The following LAPTM4B variants were observed in gnomAD, a reference collection of about 807,000 sequenced individuals.
LAPTM4B encodes the protein lysosomal protein transmembrane 4 beta, also known as lysosomal-associated transmembrane protein 4B.
A neutral mutation model predicts 28.5 loss-of-function variants in LAPTM4B; 26 were observed. The ratio of observed to expected loss-of-function variants is 0.91; its 90% CI spans 0.67 to 1.27. The LOEUF (loss-of-function observed/expected upper bound fraction) is 1.27, where lower values mean the gene tolerates loss of function less well. Ranked by LOEUF, LAPTM4B falls within the 50% of genes most tolerant of loss-of-function variation. The pLI, the probability that LAPTM4B is intolerant of heterozygous loss-of-function variation, is 0.00. For missense variants in LAPTM4B, 288 were observed against 285.8 expected, an observed-to-expected ratio of 1.01 and a Z score of -0.06; for synonymous variants, 109 against 106.4, an observed-to-expected ratio of 1.02 and a Z score of -0.15.
At chr8:97,831,696 CAGA>C (rs1398019855) in intron 6 of LAPTM4B, among the ~76,000 whole-genome samples, 7 of 152,126 alleles carry the variant, frequency 4.6e-5, no homozygotes, top group African/African-American at 9.7e-5. Context: ...AACAGGTTTT[CAGA>C]AGAAGAATAG....
intron 5 of LAPTM4B, among the ~76,000 whole-genome samples, chr8:97,823,344 G>GTTTTTTTTTT (rs10561869): frequency 3.7e-5 from 4 of 109,306 alleles, no homozygotes; most frequent in South Asian, 3.2e-4. Flanking sequence ...ATACAATATG[G>GTTTTTTTTTT]TTTTTTTTTT....
intron 5 of LAPTM4B, among the ~76,000 whole-genome samples, chr8:97,822,837 AT>A (rs10622932): frequency 6.6e-6 from 1 of 150,882 alleles, no homozygotes; most frequent in African/African-American, 2.4e-5. Flanking sequence ...TCTTTTAGTT[AT>A]TTTTTTTATT....
At position 97,778,475 on chromosome 8, in the gene LAPTM4B, G is replaced by T. The variant is rs369557167; in HGVS notation, c.99+2367G>T. On this transcript the variant is annotated intron_variant, in intron 1 of 6. Coordinates refer to ENST00000521545, the MANE Select transcript of LAPTM4B (RefSeq NM_018407.6). ...CCCCTTACCCACCCGCTTCCTCAAG[G>T]ACTTAACTTGTGCAAGCTGACTCCC... 3.1e-3 allele frequency among the ~76,000 whole-genome samples: 471 copies of T among 152,032 alleles called. 3 individuals are homozygous for T. The highest frequency in any genetic ancestry group is 0.011 in the African/African-American group (441 of 41,450).
chr8:97,786,782 A>G (rs977408611), intron 1 of LAPTM4B, among the ~76,000 whole-genome samples: 3 of 152,062 alleles, frequency 2.0e-5, no homozygotes, highest in Non-Finnish European at 4.4e-5. Flanking sequence ...ATGGTGAAGT[A>G]GTAACCCTTA....
intron 1 of LAPTM4B, among the ~76,000 whole-genome samples, chr8:97,778,372 C>T (rs2129711864): frequency 6.6e-6 from 1 of 151,312 alleles, no homozygotes; most frequent in South Asian, 2.1e-4. Flanking sequence ...TTGTGATACC[C>T]TACCTTGTTT....
Position 97,835,933 on chromosome 8 carries a change from G to A in LAPTM4B, c.603+10780G>A, listed in dbSNP as rs563332583. Reference sequence around the variant, plus strand: ...AACCTGAGCACCACTTACAAGATTAGCAACAGCATTACATTTTCATAGGAG... The same window carrying A: ...AACCTGAGCACCACTTACAAGATTAACAACAGCATTACATTTTCATAGGAG... On this transcript the variant is annotated intron_variant, in intron 6 of 6. Transcript: ENST00000521545. 8.3e-4 allele frequency among the ~76,000 whole-genome samples: 127 copies of A among 152,310 alleles called. 2 individuals carry two copies. The highest frequency in any genetic ancestry group is 1.3e-3 in the Non-Finnish European group (86 of 68,030).
Position 97,843,780 on chromosome 8 carries a change from C to CAAATAAATAAATAAAT in LAPTM4B, c.604-7596_604-7581dup, listed in dbSNP as rs150370509. On this transcript the variant is annotated intron_variant, in intron 6 of 6. Transcript: ENST00000521545. ...GGGCAACAAGAGCGAAACTCCATCT[C>CAAATAAATAAATAAAT]AAATAAATAAATAAATAAATAAATA... is the stretch of plus-strand genomic sequence containing the variant. 5.1e-3 allele frequency among the ~76,000 whole-genome samples: 755 copies of CAAATAAATAAATAAAT among 148,984 alleles called. 3 individuals carry two copies. Among genetic ancestry groups the CAAATAAATAAATAAAT allele is most frequent in the South Asian group, 8.2e-3 (38 of 4,608 alleles).
At chr8:97,845,865 T>TCCCCC (rs1563624201) in intron 6 of LAPTM4B, among the ~76,000 whole-genome samples, 2 of 13,402 alleles carry the variant, frequency 1.5e-4, no homozygotes, top group East Asian at 1.3e-3. Context: ...TCCCCCCCCT[T>TCCCCC]CCACTCCCCT....
At chr8:97,810,324 A>T (rs1816808005) in intron 2 of LAPTM4B, among the ~76,000 whole-genome samples, 1 of 152,206 alleles carries the variant, frequency 6.6e-6, no homozygotes, top group African/African-American at 2.4e-5. Context: ...ATCCTGGATT[A>T]GATTCTGGAA....
chr8:97,781,181 A>G (rs1385007027), intron 1 of LAPTM4B, among the ~76,000 whole-genome samples: 3 of 146,932 alleles, frequency 2.0e-5, no homozygotes, highest in Admixed American at 6.9e-5. Flanking sequence ...GGGTTTCCCC[A>G]TGTTGTTCAG....
rs962053657 is a variant in LAPTM4B at position 97,776,424 on chromosome 8, C to A, written c.99+316C>A. 2.0e-5 allele frequency among the ~76,000 whole-genome samples: 3 copies of A among 152,222 alleles called. No individual in the cohort carries two copies. In the South Asian group the frequency reaches 6.2e-4, roughly 31 times the overall value. On this transcript the variant is annotated intron_variant, in intron 1 of 6. Coordinates refer to ENST00000521545, the MANE Select transcript of LAPTM4B (RefSeq NM_018407.6). Reference sequence around the variant, plus strand: ...CCCCGCGGCCTCGCGTAGGGCGCACCGGGGCAGACAAACTGAGCTTATCTG... The same window carrying A: ...CCCCGCGGCCTCGCGTAGGGCGCACAGGGGCAGACAAACTGAGCTTATCTG...
chr8:97,790,342 T>C (rs1249802426), intron 1 of LAPTM4B, among the ~76,000 whole-genome samples: 4 of 151,220 alleles, frequency 2.6e-5, no homozygotes, highest in Non-Finnish European at 1.5e-5. Flanking sequence ...AGACAGAGTC[T>C]CACTCTGTCG....
At chr8:97,824,503 ATTAATT>A (rs1817061525) in intron 5 of LAPTM4B, among the ~76,000 whole-genome samples, 1 of 152,214 alleles carries the variant, frequency 6.6e-6, no homozygotes, top group Non-Finnish European at 1.5e-5. Flanking sequence ...TATGTTGGAC[ATTAATT>A]TTAAGTATCG....
At chr8:97,804,015 C>T (rs1816725891) in intron 1 of LAPTM4B, among the ~76,000 whole-genome samples, 1 of 152,228 alleles carries the variant, frequency 6.6e-6, no homozygotes, top group Non-Finnish European at 1.5e-5. Flanking sequence ...TGTGTATCTT[C>T]ACTCCATTTG....
chr8:97,814,187 C>T (rs1816867454), intron 2 of LAPTM4B, among the ~76,000 whole-genome samples: 1 of 152,100 alleles, frequency 6.6e-6, no homozygotes, highest in Non-Finnish European at 1.5e-5. Context: ...AACAAGACTC[C>T]TTATTTACCA....
rs1282789667 is a variant in LAPTM4B at position 97,798,300 on chromosome 8, C to T, written c.100-7053C>T. On this transcript the variant is annotated intron_variant, in intron 1 of 6. Coordinates refer to ENST00000521545, the MANE Select transcript of LAPTM4B (RefSeq NM_018407.6). ...TTTGCACAGACATAGGTCCTCATGG[C>T]TCCCCATTTTCTATTCACATCATTC... Among the ~76,000 whole-genome samples the T allele has an allele frequency of 2.0e-5, 3 of 152,118 alleles. No homozygotes were observed. In the East Asian group the frequency reaches 5.8e-4, roughly 29 times the overall value.
At chr8:97,830,812 T>C (rs1054187378) in intron 6 of LAPTM4B, among the ~76,000 whole-genome samples, 6 of 152,098 alleles carry the variant, frequency 3.9e-5, no homozygotes, top group Non-Finnish European at 8.8e-5. Context: ...CGGGCTAGGA[T>C]GTCTTTATAT....
In LAPTM4B at chr8:97,812,206, G is replaced by GTTTTTTT. The variant is rs144651693; in HGVS notation, c.212-3118_212-3112dup. Among the ~76,000 whole-genome samples, 51 of 78,348 alleles carry GTTTTTTT rather than the reference G, an allele frequency of 6.5e-4. 1 individual carries two copies. The highest frequency in any genetic ancestry group is 8.8e-3 in the Middle Eastern group (1 of 114). 51.4% of individuals were successfully genotyped at this position (78,348 alleles called of 152,430 possible). On this transcript the variant is annotated intron_variant, in intron 2 of 6. Coordinates refer to ENST00000521545, the MANE Select transcript of LAPTM4B (RefSeq NM_018407.6). ...TAAAGGATAAGTAAATTAATTATTT[G>GTTTTTTT]TTTTTTTTTTGTTGTTTTTTGTTTT...
chr8:97,821,540 GA>G (rs1325467594), intron 5 of LAPTM4B, among the ~76,000 whole-genome samples: 43 of 127,536 alleles, frequency 3.4e-4, no homozygotes, highest in African/African-American at 2.3e-3. Context: ...AGGACGTGTG[GA>G]TGTAGGGGTG....
Sources: gnomAD v4.1 joint callset for allele counts (sites outside exome capture counted in the v4.1 genomes callset) on GRCh38, gnomAD v4.1.1 for gene constraint, MANE v1.5 for transcripts, NCBI Gene and HGNC (gene_info 2026-07-23, HGNC 2026-07-21) for gene names.